SLC10A1: variants seen among roughly 807,000 people sequenced by gnomAD.
SLC10A1 encodes the protein hepatic sodium/bile acid cotransporter.
A neutral mutation model predicts 20.5 loss-of-function variants in SLC10A1; 36 were observed. That is an observed-to-expected ratio of 1.75 (90% CI 1.34 to 2.32). The LOEUF (loss-of-function observed/expected upper bound fraction) is 2.32. SLC10A1 is among the 30% of genes most tolerant of loss of function. The pLI, the probability that SLC10A1 is intolerant of heterozygous loss-of-function variation, is 0.00. For synonymous variants in SLC10A1, 188 were observed against 163.6 expected (o/e 1.15, Z -1.14); for missense variants, 545 against 439.1 (o/e 1.24, Z -2.16).
At chr14:69,776,523 G>A (rs1883452241) in intron 4 of SLC10A1, 135 bp from the exon 5 acceptor site, 3 of 666,042 alleles carry the variant, frequency 4.5e-6, no homozygotes, top group Non-Finnish European at 7.7e-6. Context: ...CATCTCTGTC[G>A]TCTCTCCCAT....
intron 1 of SLC10A1, among the ~76,000 whole-genome samples, chr14:69,790,829 G>C (rs1594764418): frequency 6.6e-6 from 1 of 152,048 alleles, no homozygotes; most frequent in South Asian, 2.1e-4. Flanking sequence ...GATGGGAAAA[G>C]AAGAAATGAA....
In SLC10A1 at chr14:69,778,421, A is replaced by T; in HGVS notation, c.855T>A (p.Phe285Leu). ...PPEVIGPLFF[F>L]PLLYMIFQLG... Reference sequence around the variant, plus strand: ...GCTGGAAAATCATGTAGAGGAGGGGAAAGAAGAAAAGTGGTCCAATGACTT... The same window carrying T: ...GCTGGAAAATCATGTAGAGGAGGGGTAAGAAGAAAAGTGGTCCAATGACTT... The change falls in exon 4 of 5, where the codon TTT becomes TTA. Residue 285 changes from phenylalanine (F) to leucine (L), a missense_variant. By Grantham distance (22) the Phe-to-Leu change is conservative (BLOSUM62 0). Transcript: ENST00000216540. The T allele has an allele frequency of 6.2e-7, 1 of 1,614,032 alleles. No homozygotes were observed. Among genetic ancestry groups the T allele is most frequent in the Non-Finnish European group, 8.5e-7 (1 of 1,179,968 alleles).
chr14:69,778,399 G>A lies in SLC10A1; in HGVS notation c.877C>T (p.Gln293Ter), dbSNP rs189313778. ...ATGAGGAGAAGCCCTTCTCCAAGCT[G>A]GAAAATCATGTAGAGGAGGGGAAAG... ...FFFPLLYMIF[Q>*]LGEGLLLIAI... The change falls in exon 4 of 5, where the codon CAG becomes TAG. Residue 293 changes from glutamine (Q) to a stop codon, truncating the protein, a stop_gained. Coordinates refer to ENST00000216540, the MANE Select transcript of SLC10A1 (RefSeq NM_003049.4). LOFTEE classifies it high-confidence loss of function. 6.2e-7 allele frequency: 1 copy of A among 1,613,906 alleles called. No homozygotes were observed. The highest frequency in any genetic ancestry group is 1.7e-5 in the Admixed American group (1 of 59,978).
chr14:69,784,516 TTGAC>T (rs1376069325), intron 2 of SLC10A1, among the ~76,000 whole-genome samples: 6 of 151,642 alleles, frequency 4.0e-5, no homozygotes, highest in South Asian at 4.2e-4. Flanking sequence ...GAGGAAGCGA[TTGAC>T]AGAGAGAGAG....
chr14:69,795,150 A>G (rs968441714), intron 1 of SLC10A1, among the ~76,000 whole-genome samples: 1 of 152,194 alleles, frequency 6.6e-6, no homozygotes, highest in East Asian at 1.9e-4. Flanking sequence ...AGCCAGATCC[A>G]AGACCAAGGG....
At chr14:69,786,348 A>G (rs893574281) in intron 1 of SLC10A1, 41 bp from the exon 2 acceptor site, 1 of 1,527,040 alleles carries the variant, frequency 6.5e-7, no homozygotes, top group South Asian at 1.1e-5. Context: ...GAGAGAGCCC[A>G]TAAATACAGA....
chr14:69,785,473 A>G (rs1298353699), intron 2 of SLC10A1, among the ~76,000 whole-genome samples: 1 of 152,040 alleles, frequency 6.6e-6, no homozygotes, highest in Non-Finnish European at 1.5e-5. Context: ...CTTTTTAATA[A>G]GGCTCTTTGA....
intron 1 of SLC10A1, 128 bp from the exon 2 acceptor site, chr14:69,786,435 A>G (rs1883716791): frequency 1.4e-6 from 1 of 695,006 alleles, no homozygotes; most frequent in South Asian, 1.7e-5. Flanking sequence ...TTTCCCCATA[A>G]CATTAGGCAG....
Position 69,786,294 on chromosome 14 carries a change from T to G in SLC10A1, c.370A>C (p.Thr124Pro). 6.2e-7 allele frequency: 1 copy of G among 1,614,008 alleles called. No individual in the cohort carries two copies. The highest frequency in any genetic ancestry group is 8.5e-7 in the Non-Finnish European group (1 of 1,179,936). The change falls in exon 2 of 5, where the codon ACC becomes CCC. Residue 124 changes from threonine to proline, a missense_variant. Thr to Pro is a conservative substitution (Grantham distance 38). Transcript: ENST00000216540. ...GDMNLSIVMTTCSTFCALGMM... is the reference protein window; with the variant it reads ...GDMNLSIVMTPCSTFCALGMM... ...CCAAGGGCACAGAAGGTGGAGCAGG[T>G]GGTCATCACAATGCTGGTGGGAGAC... is the stretch of plus-strand genomic sequence containing the variant.
intron 1 of SLC10A1, among the ~76,000 whole-genome samples, chr14:69,792,440 G>A (rs1371943528): frequency 1.3e-5 from 2 of 152,110 alleles, no homozygotes; most frequent in African/African-American, 2.4e-5. Context: ...AATGGCCAAC[G>A]CACACGTGGA....
At position 69,786,192 on chromosome 14, in the gene SLC10A1, C is replaced by T. The variant is rs201339654; in HGVS notation, c.472G>A (p.Gly158Ser). ...GDLKDKVPYK[G>S]IVISLVLVLI... ...ACCAGGACCAGTGATATCACGATGC[C>T]TTTATAGGGCACCTTGTCCTTCAGG... The change falls in exon 2 of 5, where the codon GGC becomes AGC. Residue 158 changes from glycine (G) to serine (S), a missense_variant. Transcript: ENST00000216540. 7.4e-6 allele frequency: 12 copies of T among 1,613,964 alleles called. No homozygotes were observed. The highest frequency in any genetic ancestry group is 5.0e-5 in the Admixed American group (3 of 59,988).
intron 1 of SLC10A1, among the ~76,000 whole-genome samples, chr14:69,789,917 T>TG (rs1566638142): frequency 2.0e-5 from 3 of 151,406 alleles, no homozygotes; most frequent in African/African-American, 7.3e-5. Context: ...AAATAGGGTT[T>TG]TTTTTTTTTC....
rs564084792 is a variant in SLC10A1, at chr14:69,782,816, A to C, written c.567+3281T>G. 2.8e-3 allele frequency among the ~76,000 whole-genome samples: 420 copies of C among 152,112 alleles called. 1 individual carries two copies. The Middle Eastern group carries it at 0.031, about 11-fold the overall frequency. On this transcript the variant is annotated intron_variant, in intron 2 of 4. Coordinates refer to ENST00000216540, the MANE Select transcript of SLC10A1 (RefSeq NM_003049.4). Reference sequence around the variant, plus strand: ...GAGTGAGACTCCGTCTCGAAAAAAAAAAAAAAAAAGGGTCTGAGATTCTGC... The same window carrying C: ...GAGTGAGACTCCGTCTCGAAAAAAACAAAAAAAAAGGGTCTGAGATTCTGC...
rs1012380869 is a variant in SLC10A1, at chr14:69,775,997, T to C, written c.*285A>G. On this transcript the variant is annotated 3_prime_UTR_variant, in exon 5 of 5. Coordinates refer to ENST00000216540, the MANE Select transcript of SLC10A1 (RefSeq NM_003049.4). ...ACTTTAAGATGCTTATCAGACACTT[T>C]TAGAGATCCCAGCAAGAGGCAGATT... is the stretch of plus-strand genomic sequence containing the variant. 1.3e-5 allele frequency: 5 copies of C among 395,114 alleles called. No homozygotes were observed. Among genetic ancestry groups the C allele is most frequent in the Non-Finnish European group, 2.3e-5 (5 of 218,670 alleles). The allele number at this position is 395,114 out of a possible 1,614,324, so 24.5% of individuals were successfully genotyped here. A position where few individuals can be genotyped will look rare whatever the true frequency, so the allele number is the denominator to read the frequency against.
intron 2 of SLC10A1, among the ~76,000 whole-genome samples, chr14:69,782,566 G>A (rs1297002140): frequency 2.6e-5 from 4 of 152,166 alleles, no homozygotes; most frequent in East Asian, 1.9e-4. Flanking sequence ...CCAGCACTTC[G>A]GGAGGCCAAG....
rs1043205808 is a variant in SLC10A1, at chr14:69,775,613, A to G, written c.*669T>C. ...ATTATTAGTGAGGTAACATTGTGTT[A>G]ATGTATGTGTTTGTTTCCTGGTTTT... On this transcript the variant is annotated 3_prime_UTR_variant, in exon 5 of 5. Transcript: ENST00000216540. The G allele has an allele frequency of 5.9e-5, 9 of 152,234 alleles. No individual in the cohort carries two copies. The highest frequency in any genetic ancestry group is 1.9e-4 in the African/African-American group (8 of 41,448). 9.4% of individuals were successfully genotyped at this position (152,234 alleles called of 1,614,324 possible).
intron 1 of SLC10A1, among the ~76,000 whole-genome samples, chr14:69,791,450 G>A (rs1364245175): frequency 6.6e-6 from 1 of 151,958 alleles, no homozygotes; most frequent in Non-Finnish European, 1.5e-5. Flanking sequence ...ACAGGCGCCC[G>A]CCACCACGCC....
At chr14:69,784,736 G>A (rs1883672389) in intron 2 of SLC10A1, among the ~76,000 whole-genome samples, 1 of 151,102 alleles carries the variant, frequency 6.6e-6, no homozygotes, top group African/African-American at 2.5e-5. Context: ...AGAGAGGGGA[G>A]GCTGCTGGGC....
Position 69,779,089 on chromosome 14 carries a change from A to G in SLC10A1, c.746+93T>C, listed in dbSNP as rs993654466. The G allele has an allele frequency of 3.3e-6, 3 of 913,630 alleles. No homozygotes were observed. In the African/African-American group the frequency reaches 5.1e-5, roughly 15 times the overall value. 56.6% of individuals were successfully genotyped at this position (913,630 alleles called of 1,614,324 possible). A position where few individuals can be genotyped will look rare whatever the true frequency, so the allele number is the denominator to read the frequency against. On this transcript the variant is annotated intron_variant, in intron 3 of 4. Transcript: ENST00000216540. Reference sequence around the variant, plus strand: ...GGCAGGAGGATCAGTTAAACCCTGGAGGTTGAGGCTGCAGTGAGCTGAGAA... The same window carrying G: ...GGCAGGAGGATCAGTTAAACCCTGGGGGTTGAGGCTGCAGTGAGCTGAGAA...
Sources: allele counts gnomAD v4.1 joint callset (sites outside exome capture counted in the v4.1 genomes callset), GRCh38; gene constraint gnomAD v4.1.1; transcripts MANE v1.5; gene names NCBI Gene and HGNC (gene_info 2026-07-23, HGNC 2026-07-21).